The following CNBD1 variants were observed in gnomAD, a reference collection of about 807,000 sequenced individuals.
The protein encoded by CNBD1 is cyclic nucleotide binding domain containing 1.
CNBD1 carries 71 observed loss-of-function variants against 54.4 expected under a neutral mutation model. The observed-to-expected ratio is 1.30, with a 90% CI of 1.08 to 1.59. The LOEUF is 1.59. Ranked by LOEUF, CNBD1 falls within the 40% of genes most tolerant of loss-of-function variation. The pLI is 0.00. For synonymous variants in CNBD1, 182 were observed against 170.7 expected, an observed-to-expected ratio of 1.07 and a Z score of -0.51; for missense variants, 659 against 518.0, an observed-to-expected ratio of 1.27 and a Z score of -2.64.
intron 8 of CNBD1, among the ~76,000 whole-genome samples, chr8:87,316,335 A>G (rs1563549179): frequency 6.6e-6 from 1 of 152,004 alleles, no homozygotes. Context: ...AATTTAACTT[A>G]TAATTTTGAA....
chr8:87,204,065 A>T (rs1813919330), intron 4 of CNBD1, among the ~76,000 whole-genome samples: 1 of 152,198 alleles, frequency 6.6e-6, no homozygotes, highest in African/African-American at 2.4e-5. Flanking sequence ...CAAATGTAAG[A>T]ACACTGGAGA....
At chr8:87,020,771 C>A (rs931109594) in intron 4 of CNBD1, among the ~76,000 whole-genome samples, 23 of 152,190 alleles carry the variant, frequency 1.5e-4, no homozygotes, top group South Asian at 2.1e-4. Flanking sequence ...TAGAGAATCC[C>A]CTTGCCCCTT....
At chr8:86,878,888 T>A (rs1002860525) in intron 1 of CNBD1, among the ~76,000 whole-genome samples, 1 of 152,224 alleles carries the variant, frequency 6.6e-6, no homozygotes, top group Admixed American at 6.5e-5. Flanking sequence ...TTACTGAAGA[T>A]CAGGCTTCTT....
intron 2 of CNBD1, among the ~76,000 whole-genome samples, chr8:87,424,097 G>A (rs1021856525): frequency 6.6e-6 from 1 of 152,142 alleles, no homozygotes; most frequent in Admixed American, 6.5e-5. Context: ...ATGGTAGTTT[G>A]TATTTCTGTG....
At chr8:87,006,610 G>T (rs991916018) in intron 4 of CNBD1, among the ~76,000 whole-genome samples, 2 of 152,062 alleles carry the variant, frequency 1.3e-5, no homozygotes, top group Non-Finnish European at 2.9e-5. Flanking sequence ...GGGTAAGAGA[G>T]GTAGGTGCCA....
chr8:86,871,883 G>C (rs898357281), intron 1 of CNBD1, among the ~76,000 whole-genome samples: 1 of 152,178 alleles, frequency 6.6e-6, no homozygotes, highest in Non-Finnish European at 1.5e-5. Flanking sequence ...AATTGCCCTG[G>C]CTTAAAACCC....
chr8:87,154,972 T>C (rs1812683833), intron 4 of CNBD1, among the ~76,000 whole-genome samples: 1 of 152,164 alleles, frequency 6.6e-6, no homozygotes, highest in South Asian at 2.1e-4. Context: ...GAGAGTATCA[T>C]AGCTGTACCA....
At chr8:87,225,303 G>T (rs1814455768) in intron 5 of CNBD1, among the ~76,000 whole-genome samples, 1 of 149,306 alleles carries the variant, frequency 6.7e-6, no homozygotes, top group Non-Finnish European at 1.5e-5. Context: ...GGTGAGAGAG[G>T]GCATCCCTGT....
At chr8:87,369,559 A>G (rs552285241) in intron 10 of CNBD1, among the ~76,000 whole-genome samples, 24 of 151,804 alleles carry the variant, frequency 1.6e-4, no homozygotes, top group African/African-American at 5.6e-4. Flanking sequence ...ATGTTTGAAG[A>G]TTAGTTTTGT....
At chr8:86,956,441 CATTG>C (rs1429383812) in intron 4 of CNBD1, among the ~76,000 whole-genome samples, 3 of 152,092 alleles carry the variant, frequency 2.0e-5, no homozygotes, top group Non-Finnish European at 4.4e-5. Flanking sequence ...ATTTTCACGA[CATTG>C]ATTCTTTCTA....
At position 86,905,094 on chromosome 8, in the gene CNBD1, AAT is replaced by A. The variant is rs1722484413; in HGVS notation, c.175_176del (p.Ile59LeufsTer13). The A allele has an allele frequency of 3.1e-6, 5 of 1,604,624 alleles. No homozygotes were observed. The highest frequency in any genetic ancestry group is 2.7e-5 in the African/African-American group (2 of 74,778). On this transcript the variant is annotated frameshift_variant, in exon 3 of 11. Transcript: ENST00000518476. LOFTEE classifies it high-confidence loss of function. ...IRGQHSRSMS[N>X]ILSAHDTFMK... ...CTTCTTTTTAAGCCGGAGTATGAGC[AAT>A]ATCTTATCAGCTCACGATACATTTA...
chr8:87,227,913 C>T (rs1372243630), intron 5 of CNBD1, among the ~76,000 whole-genome samples: 1 of 148,458 alleles, frequency 6.7e-6, no homozygotes, highest in Non-Finnish European at 1.5e-5. Flanking sequence ...CACATAGTCC[C>T]ATATTTCTTG....
At chr8:87,319,764 G>A (rs1809480184) in intron 8 of CNBD1, among the ~76,000 whole-genome samples, 1 of 151,956 alleles carries the variant, frequency 6.6e-6, no homozygotes, top group South Asian at 2.1e-4. Context: ...AACAGTGAAA[G>A]TAGTAGGGTT....
chr8:87,381,637 A>G (rs573644781), intron 10 of CNBD1, among the ~76,000 whole-genome samples: 8 of 152,058 alleles, frequency 5.3e-5, no homozygotes, highest in Non-Finnish European at 1.5e-5. Context: ...CAGATAAATG[A>G]ATTAAAAATA....
At chr8:86,945,558 C>G (rs538184941) in intron 4 of CNBD1, among the ~76,000 whole-genome samples, 5 of 152,078 alleles carry the variant, frequency 3.3e-5, no homozygotes, top group Non-Finnish European at 7.4e-5. Flanking sequence ...AAGAAAAACA[C>G]TTTGTGGGGC....
chr8:87,351,156 G>A (rs1002613634), intron 8 of CNBD1, among the ~76,000 whole-genome samples: 1 of 152,106 alleles, frequency 6.6e-6, no homozygotes, highest in Non-Finnish European at 1.5e-5. Context: ...TTTATCTAAG[G>A]TGACATAGGA....
intron 8 of CNBD1, among the ~76,000 whole-genome samples, chr8:87,342,771 A>C (rs1810093817): frequency 6.6e-6 from 1 of 152,146 alleles, no homozygotes; most frequent in Non-Finnish European, 1.5e-5. Context: ...CACAAGGATC[A>C]CATGCTTCAA....
intron 8 of CNBD1, among the ~76,000 whole-genome samples, chr8:87,334,470 A>G (rs1205520499): frequency 6.6e-6 from 1 of 151,834 alleles, no homozygotes; most frequent in Non-Finnish European, 1.5e-5. Flanking sequence ...TTATGATATT[A>G]GGGTGTTGAT....
chr8:87,412,397 G>C (rs1807761249), intron 2 of CNBD1, among the ~76,000 whole-genome samples: 1 of 152,064 alleles, frequency 6.6e-6, no homozygotes, highest in Non-Finnish European at 1.5e-5. Flanking sequence ...GATATGACCA[G>C]GATTTGCTTC....
Sources: gnomAD v4.1 joint callset for allele counts (sites outside exome capture counted in the v4.1 genomes callset) on GRCh38, gnomAD v4.1.1 for gene constraint, MANE v1.5 for transcripts, NCBI Gene and HGNC (gene_info 2026-07-23, HGNC 2026-07-21) for gene names.